The following SLCO6A1 variants were observed in gnomAD, a reference collection of about 807,000 sequenced individuals.
The protein encoded by SLCO6A1 is cancer/testis antigen 48.
SLCO6A1 carries 65 observed loss-of-function variants against 72.7 expected under a neutral mutation model. That is an observed-to-expected ratio of 0.89 (90% CI 0.73 to 1.10). The LOEUF is 1.10. Among genes scored for constraint, SLCO6A1 ranks in the 50% least tolerant of loss-of-function variants. SLCO6A1 has a pLI of 0.00. For missense variants in SLCO6A1, 874 were observed against 872.6 expected (o/e 1.00, Z -0.02); for synonymous variants, 314 against 298.2 (o/e 1.05, Z -0.55).
intron 9 of SLCO6A1, among the ~76,000 whole-genome samples, chr5:102,411,563 C>T (rs1344609322): frequency 2.6e-5 from 4 of 151,754 alleles, no homozygotes; most frequent in South Asian, 2.1e-4. Flanking sequence ...CTACACCTGG[C>T]CCCATAGATG....
intron 4 of SLCO6A1, among the ~76,000 whole-genome samples, chr5:102,463,568 C>T (rs1236171519): frequency 1.3e-5 from 2 of 152,098 alleles, no homozygotes; most frequent in Non-Finnish European, 2.9e-5. Context: ...ATATATACAC[C>T]ATGGAATACT....
In SLCO6A1 at chr5:102,373,364, T is replaced by C; in HGVS notation, c.2148A>G (p.Glu716=). The C allele has an allele frequency of 6.4e-7, 1 of 1,562,544 alleles. No homozygotes were observed. The highest frequency in any genetic ancestry group is 8.6e-7 in the Non-Finnish European group (1 of 1,159,220). Residue 716 remains glutamate, a synonymous_variant, in exon 13 of 14, where the codon GAA becomes GAG. Coordinates refer to ENST00000506729, the MANE Select transcript of SLCO6A1 (RefSeq NM_173488.5). ...VKNPKVKKKE[E]TDL ...AATGATGATCCAGTTACAAGTCAGT[T>C]TCTTCTTTTTTCTTAACTTTTGGAT...
At chr5:102,431,219 T>C (rs773734578) in intron 7 of SLCO6A1, among the ~76,000 whole-genome samples, 1 of 152,002 alleles carries the variant, frequency 6.6e-6, no homozygotes, top group Non-Finnish European at 1.5e-5. Context: ...CTTGGATTCA[T>C]TGTTCCTTTG....
chr5:102,387,700 T>G (rs1269842331), intron 12 of SLCO6A1, among the ~76,000 whole-genome samples: 1 of 152,168 alleles, frequency 6.6e-6, no homozygotes, highest in Non-Finnish European at 1.5e-5. Context: ...TCATTATGGT[T>G]TTTTTGAATT....
intron 9 of SLCO6A1, among the ~76,000 whole-genome samples, chr5:102,404,247 G>A (rs998833345): frequency 2.6e-5 from 4 of 152,188 alleles, no homozygotes; most frequent in Middle Eastern, 3.2e-3. Flanking sequence ...TGTAATCCCA[G>A]CACTTTAGGA....
intron 9 of SLCO6A1, among the ~76,000 whole-genome samples, chr5:102,411,482 C>T (rs921556865): frequency 1.3e-5 from 2 of 152,048 alleles, no homozygotes; most frequent in African/African-American, 4.8e-5. Flanking sequence ...CCAGGCTGGT[C>T]CCCAACTCCT....
At chr5:102,497,464 C>CAGA (rs1385321995) in intron 1 of SLCO6A1, among the ~76,000 whole-genome samples, 1 of 152,162 alleles carries the variant, frequency 6.6e-6, no homozygotes, top group Admixed American at 6.5e-5. Flanking sequence ...CAACAATATC[C>CAGA]TCTCTGCAGC....
At chr5:102,474,879 G>A (rs989348801) in intron 4 of SLCO6A1, among the ~76,000 whole-genome samples, 16 of 151,834 alleles carry the variant, frequency 1.1e-4, no homozygotes, top group Non-Finnish European at 1.5e-4. Context: ...GGATCCATTA[G>A]GATGGTCACT....
intron 1 of SLCO6A1, 29 bp downstream of exon 1, chr5:102,498,457 GC>G: frequency 6.3e-7 from 1 of 1,589,548 alleles, no homozygotes; most frequent in South Asian, 1.1e-5. Context: ...AGCTGCCCTC[GC>G]CACAACAAAC....
intron 6 of SLCO6A1, among the ~76,000 whole-genome samples, chr5:102,439,206 T>C (rs1049226002): frequency 2.0e-5 from 3 of 152,016 alleles, no homozygotes; most frequent in African/African-American, 7.2e-5. Context: ...GAAAAACCAG[T>C]AGGACTGCAG....
intron 4 of SLCO6A1, among the ~76,000 whole-genome samples, chr5:102,474,717 A>G (rs1751806317): frequency 6.6e-6 from 1 of 152,108 alleles, no homozygotes; most frequent in Non-Finnish European, 1.5e-5. Context: ...ACTTCAACCC[A>G]ATAGCAACAA....
At chr5:102,457,090 C>A (rs950165180) in intron 6 of SLCO6A1, among the ~76,000 whole-genome samples, 9 of 152,218 alleles carry the variant, frequency 5.9e-5, no homozygotes, top group Admixed American at 5.9e-4. Flanking sequence ...ACACCTTATA[C>A]AAAAATTAAT....
In SLCO6A1 at chr5:102,455,024, AT is replaced by A. The variant is rs1561475580; in HGVS notation, c.1131+3357del. On this transcript the variant is annotated intron_variant, in intron 6 of 13. Coordinates refer to ENST00000506729, the MANE Select transcript of SLCO6A1 (RefSeq NM_173488.5). Reference sequence around the variant, plus strand: ...TATATATAAATATATATATATATATATATAAATTATGTTATAACAAAGATCT... The same window carrying A: ...TATATATAAATATATATATATATATAATAAATTATGTTATAACAAAGATCT... Among the ~76,000 whole-genome samples, 309 of 110,680 alleles carry A rather than the reference AT, an allele frequency of 2.8e-3. 4 individuals carry two copies. The highest frequency in any genetic ancestry group is 1.0e-2 in the African/African-American group (293 of 29,426). 72.6% of individuals were successfully genotyped at this position (110,680 alleles called of 152,430 possible).
At position 102,438,650 on chromosome 5, in the gene SLCO6A1, T is replaced by C. The variant is rs1255801434; in HGVS notation, c.1243A>G (p.Ile415Val). The change falls in exon 7 of 14, where the codon ATA becomes GTA. Residue 415 changes from isoleucine (I) to valine (V), a missense_variant. Ile to Val is a conservative substitution (Grantham distance 29). Transcript: ENST00000506729. ...GTAGTTGCCACAGTGGGTGTTAATA[T>C]AAACTGATTTTCTAAATATATAGGC... is the stretch of plus-strand genomic sequence containing the variant. The part of the protein sequence containing the change: ...FLPIYLENQF[I>V]LTPTVATTLA... 6.3e-7 allele frequency: 1 copy of C among 1,591,902 alleles called. No individual in the cohort carries two copies. Among genetic ancestry groups the C allele is most frequent in the African/African-American group, 1.4e-5 (1 of 73,766 alleles).
intron 7 of SLCO6A1, among the ~76,000 whole-genome samples, chr5:102,428,622 A>G (rs923405095): frequency 1.3e-5 from 2 of 152,082 alleles, no homozygotes; most frequent in African/African-American, 4.8e-5. Flanking sequence ...AGTACCTGAT[A>G]GTTATTTTTT....
At chr5:102,408,797 T>C (rs976906840) in intron 9 of SLCO6A1, among the ~76,000 whole-genome samples, 3 of 152,106 alleles carry the variant, frequency 2.0e-5, no homozygotes, top group African/African-American at 7.2e-5. Context: ...ATTTAAAACA[T>C]ATAAAAATAC....
intron 9 of SLCO6A1, among the ~76,000 whole-genome samples, chr5:102,412,015 G>A (rs111881016): frequency 0.058 from 8,879 of 151,992 alleles, 864 homozygotes; most frequent in African/African-American, 0.2. Context: ...AAGAACCTTG[G>A]TCTCCACAAT....
chr5:102,435,152 C>T (rs1439091017), intron 7 of SLCO6A1, among the ~76,000 whole-genome samples: 1 of 152,078 alleles, frequency 6.6e-6, no homozygotes, highest in Non-Finnish European at 1.5e-5. Flanking sequence ...TTTGCTGTGA[C>T]CCTCTTAGGA....
In SLCO6A1 at chr5:102,477,670, A is replaced by C. The variant is rs1287104568; in HGVS notation, c.802+6T>G. 1 of 1,608,456 alleles carries C rather than the reference A, an allele frequency of 6.2e-7. No homozygotes were observed. Among genetic ancestry groups the C allele is most frequent in the Non-Finnish European group, 8.5e-7 (1 of 1,177,474 alleles). ...GGTCAATCGTAATAGAGGGGGTAAA[A>C]CTTGCCTAAATAGATACCAGCTGAG... On this transcript the variant is annotated splice_donor_region_variant and intron_variant, in intron 3 of 13. Coordinates refer to ENST00000506729, the MANE Select transcript of SLCO6A1 (RefSeq NM_173488.5).
Sources: gnomAD v4.1 joint callset for allele counts (sites outside exome capture counted in the v4.1 genomes callset) on GRCh38, gnomAD v4.1.1 for gene constraint, MANE v1.5 for transcripts, NCBI Gene and HGNC (gene_info 2026-07-23, HGNC 2026-07-21) for gene names.